Variants in NEK4 observed in about 807,000 individuals in gnomAD.
NEK4 encodes the protein serine/threonine-protein kinase Nek4.
Under a neutral mutation model 98.4 loss-of-function variants are expected in NEK4, and 86 were observed. The ratio of observed to expected loss-of-function variants is 0.87; its 90% CI spans 0.73 to 1.05. The LOEUF (loss-of-function observed/expected upper bound fraction) is 1.05, where lower values mean the gene tolerates loss of function less well. NEK4 is among the 50% of genes least tolerant of loss of function. The pLI is 0.00. For synonymous variants in NEK4, 328 were observed against 342.2 expected, an observed-to-expected ratio of 0.96 and a Z score of 0.46; for missense variants, 898 against 950.3, an observed-to-expected ratio of 0.94 and a Z score of 0.72.
chr3:52,748,280 A>G lies in NEK4; in HGVS notation c.1507-1376T>C, dbSNP rs554961850. On this transcript the variant is annotated intron_variant, in intron 8 of 15. Transcript: ENST00000233027. ...CTGTGCCTGGCCAAAATTTTTTAAT[A>G]AATTAAAAAGAAAATGAGAAGTTGT... 2.6e-5 allele frequency among the ~76,000 whole-genome samples: 4 copies of G among 152,206 alleles called. No homozygotes were observed. In the South Asian group the frequency reaches 8.3e-4, roughly 32 times the overall value.
chr3:52,710,346 CAG>C lies in NEK4; in HGVS notation c.*1429_*1430del, dbSNP rs764081243. 12 of 141,080 alleles carry C rather than the reference CAG, an allele frequency of 8.5e-5. No homozygotes were observed. The highest frequency in any genetic ancestry group is 1.7e-4 in the Non-Finnish European group (11 of 66,208). The allele number at this position is 141,080 out of a possible 1,614,324, so 8.7% of individuals were successfully genotyped here. A position where few individuals can be genotyped will look rare whatever the true frequency, so the allele number is the denominator to read the frequency against. Reference sequence around the variant, plus strand: ...GGCCACTGCACTTCAGCCTGGGTGACAGAGCAAGACTGTGTCTTAAAAAAAAA... The same window carrying C: ...GGCCACTGCACTTCAGCCTGGGTGACAGCAAGACTGTGTCTTAAAAAAAAA... On this transcript the variant is annotated 3_prime_UTR_variant, in exon 16 of 16. Transcript: ENST00000233027.
chr3:52,758,178 CAAAAA>C (rs35117059), intron 6 of NEK4, among the ~76,000 whole-genome samples: 3 of 62,780 alleles, frequency 4.8e-5, no homozygotes, highest in Non-Finnish European at 8.3e-5. Context: ...GACACCATCT[CAAAAA>C]AAAAAAAAAA....
chr3:52,768,601 C>A lies in NEK4; in HGVS notation c.97G>T (p.Val33Phe). The change falls in exon 2 of 16, where the codon GTC becomes TTC. Residue 33 changes from valine (V) to phenylalanine (F), a missense_variant. Physicochemically the swap from Val to Phe is conservative, Grantham distance 50. Transcript: ENST00000233027. The stretch of plus-strand genomic sequence containing the variant: ...TTTCGGAGGTTCAGTTTTTTGATGA[C>A]ATACTAAAAACAAACCATGTATTTT... ...VKHRRDGKQY[V>F]IKKLNLRNAS... The A allele has an allele frequency of 6.2e-7, 1 of 1,613,576 alleles. No individual in the cohort carries two copies. Among genetic ancestry groups the A allele is most frequent in the Non-Finnish European group, 8.5e-7 (1 of 1,179,642 alleles).
chr3:52,746,560 C>A (rs2097396450), intron 9 of NEK4, among the ~76,000 whole-genome samples, 174 bp downstream of exon 9: 1 of 152,216 alleles, frequency 6.6e-6, no homozygotes, highest in Non-Finnish European at 1.5e-5. Context: ...AAAATCCTTA[C>A]TCTGCTTCGA....
intron 15 of NEK4, among the ~76,000 whole-genome samples, chr3:52,729,657 G>A (rs1023974109): frequency 6.8e-6 from 1 of 147,276 alleles, no homozygotes; most frequent in Non-Finnish European, 1.5e-5. Context: ...GCAGTGAGCC[G>A]AGATCATGCC....
Position 52,770,659 on chromosome 3 carries a change from T to C in NEK4, c.88A>G (p.Lys30Glu), listed in dbSNP as rs754287482. Residue 30 changes from lysine to glutamate, a missense_variant, in exon 1 of 16, where the codon AAG (lysine) becomes GAG (glutamate). Coordinates refer to ENST00000233027, the MANE Select transcript of NEK4 (RefSeq NM_003157.6). ...VTLVKHRRDG[K>E]QYVIKKLNLR... is the part of the protein sequence containing the mutation. ...CGGGCCCCACCCCTGCAGACCTGCT[T>C]GCCGTCCCGCCGGTGCTTCACAAGC... 2 of 1,555,488 alleles carry C rather than the reference T, an allele frequency of 1.3e-6. No individual in the cohort carries two copies. Among genetic ancestry groups the C allele is most frequent in the South Asian group, 2.4e-5 (2 of 84,432 alleles).
At position 52,737,497 on chromosome 3, in the gene NEK4, G is replaced by A. The variant is rs147428020; in HGVS notation, c.2433+89C>T. 1.2e-4 allele frequency: 164 copies of A among 1,362,954 alleles called. 2 individuals carry two copies. In the South Asian group the frequency reaches 1.3e-3, roughly 11 times the overall value. 84.4% of individuals were successfully genotyped at this position (1,362,954 alleles called of 1,614,324 possible). ...CCACTGAATTATACACTTTAGATGA[G>A]TGAATTGTTATGTGTGATTTATATT... On this transcript the variant is annotated intron_variant, in intron 15 of 15. Transcript: ENST00000233027.
intron 15 of NEK4, among the ~76,000 whole-genome samples, chr3:52,727,527 G>A (rs2097365649): frequency 6.6e-6 from 1 of 152,212 alleles, no homozygotes; most frequent in Admixed American, 6.5e-5. Context: ...CCAGGCTGGA[G>A]TGTGGTAGTG....
chr3:52,752,927 T>TACACACACACACACAC (rs1299044456), intron 6 of NEK4, among the ~76,000 whole-genome samples: 2 of 45,662 alleles, frequency 4.4e-5, no homozygotes, highest in African/African-American at 1.5e-4. Flanking sequence ...AATATATATA[T>TACACACACACACACAC]ATATATACAC....
At chr3:52,719,896 T>C (rs2097358558) in intron 15 of NEK4, among the ~76,000 whole-genome samples, 2 of 151,716 alleles carry the variant, frequency 1.3e-5, no homozygotes, top group Non-Finnish European at 2.9e-5. Context: ...GAGAAAAAGC[T>C]AAAATGAAAA....
At chr3:52,754,411 G>T in intron 6 of NEK4, 1 of 501,622 alleles carries the variant, frequency 2.0e-6, no homozygotes. Flanking sequence ...TAAACCCAGA[G>T]GCTGCAATAC....
chr3:52,741,220 G>C (rs980246078), intron 13 of NEK4, among the ~76,000 whole-genome samples, 191 bp downstream of exon 13: 4 of 124,026 alleles, frequency 3.2e-5, no homozygotes, highest in African/African-American at 1.2e-4. Flanking sequence ...TGGGCAACAA[G>C]AGCGAAACTC....
intron 7 of NEK4, among the ~76,000 whole-genome samples, chr3:52,750,572 A>G (rs996546427): frequency 3.2e-4 from 48 of 152,126 alleles, no homozygotes; most frequent in African/African-American, 1.0e-3. Context: ...ATGTGTGTGT[A>G]TACACACACA....
intron 15 of NEK4, among the ~76,000 whole-genome samples, chr3:52,714,836 C>A (rs2097353650): frequency 6.6e-6 from 1 of 152,222 alleles, no homozygotes; most frequent in Non-Finnish European, 1.5e-5. Context: ...CGGGGTAAGC[C>A]CAGGCGCGGT....
intron 10 of NEK4, among the ~76,000 whole-genome samples, 149 bp downstream of exon 10, chr3:52,745,905 TAGAGACA>T (rs1449226498): frequency 6.6e-6 from 1 of 152,198 alleles, no homozygotes; most frequent in Non-Finnish European, 1.5e-5. Flanking sequence ...AAATTTTTTG[TAGAGACA>T]AGGTCTCACT....
intron 15 of NEK4, among the ~76,000 whole-genome samples, chr3:52,726,696 A>T (rs1412834541): frequency 6.6e-6 from 1 of 151,812 alleles, no homozygotes; most frequent in African/African-American, 2.4e-5. Flanking sequence ...TCACAAGGTC[A>T]GGAGTTCAAG....
Position 52,709,705 on chromosome 3 carries a change from A to G in NEK4, c.*2072T>C, listed in dbSNP as rs1274441090. 6.8e-6 allele frequency: 1 copy of G among 146,806 alleles called. No individual in the cohort carries two copies. The highest frequency in any genetic ancestry group is 1.5e-5 in the Non-Finnish European group (1 of 65,346). 9.1% of individuals were successfully genotyped at this position (146,806 alleles called of 1,614,324 possible). A position where few individuals can be genotyped will look rare whatever the true frequency, so the allele number is the denominator to read the frequency against. On this transcript the variant is annotated 3_prime_UTR_variant, in exon 16 of 16. Coordinates refer to ENST00000233027, the MANE Select transcript of NEK4 (RefSeq NM_003157.6). Reference sequence around the variant, plus strand: ...GACAGAGCAAGACCCTGTCTCAAAAAAAAAAAAAAAAAAAAAAGATATGGG... The same window carrying G: ...GACAGAGCAAGACCCTGTCTCAAAAGAAAAAAAAAAAAAAAAAGATATGGG...
At chr3:52,767,723 GAA>G (rs200021778) in intron 2 of NEK4, among the ~76,000 whole-genome samples, 4 of 113,802 alleles carry the variant, frequency 3.5e-5, no homozygotes, top group African/African-American at 9.6e-5. Flanking sequence ...CGTCTCAAAA[GAA>G]AAAAAAAAAA....
At chr3:52,732,865 T>C (rs908562646) in intron 15 of NEK4, 7 of 231,080 alleles carry the variant, frequency 3.0e-5, no homozygotes, top group South Asian at 2.4e-4. Flanking sequence ...TGGGAAGTAA[T>C]ACAGAAAATG....
Sources: gnomAD v4.1 joint callset for allele counts (sites outside exome capture counted in the v4.1 genomes callset) on GRCh38, gnomAD v4.1.1 for gene constraint, MANE v1.5 for transcripts, NCBI Gene and HGNC (gene_info 2026-07-23, HGNC 2026-07-21) for gene names.